BTAF1: variants seen among roughly 807,000 people sequenced by gnomAD.
BTAF1 encodes the protein TATA-binding protein-associated factor 172.
A neutral mutation model predicts 227.1 loss-of-function variants in BTAF1; 38 were observed. The ratio of observed to expected loss-of-function variants is 0.17; its 90% confidence interval spans 0.13 to 0.22. The LOEUF (loss-of-function observed/expected upper bound fraction) is 0.22, where lower values mean the gene tolerates loss of function less well. Among genes scored for constraint, BTAF1 ranks in the 10% least tolerant of loss-of-function variants. BTAF1 has a pLI of 1.00. For missense variants in BTAF1, 1,598 were observed against 2,204.0 expected (o/e 0.73, Z 5.51); for synonymous variants, 742 against 751.9 (o/e 0.99, Z 0.21).
intron 21 of BTAF1, among the ~76,000 whole-genome samples, chr10:91,992,780 G>C (rs1589904541): frequency 1.3e-5 from 2 of 152,162 alleles, no homozygotes; most frequent in African/African-American, 4.8e-5. Flanking sequence ...TGGCACCTCT[G>C]TTAATGGCTT....
intron 25 of BTAF1, among the ~76,000 whole-genome samples, chr10:92,001,221 G>A (rs1849503940): frequency 6.6e-6 from 1 of 152,204 alleles, no homozygotes; most frequent in Admixed American, 6.5e-5. Flanking sequence ...AGTTAAGACA[G>A]AATTAGCAAA....
chr10:92,012,070 TCTCCCTCCTTCCCTCC>T (rs1349451658), intron 30 of BTAF1, among the ~76,000 whole-genome samples: 19 of 133,202 alleles, frequency 1.4e-4, no homozygotes, highest in African/African-American at 4.3e-4. Context: ...TCTTTCTCTC[TCTCCCTCCTTCCCTCC>T]CTCCCTCCCC....
chr10:91,950,978 G>A (rs1845735091), intron 4 of BTAF1, among the ~76,000 whole-genome samples: 1 of 151,812 alleles, frequency 6.6e-6, no homozygotes, highest in South Asian at 2.1e-4. Flanking sequence ...CTACAGGTGT[G>A]TACCATCATG....
Position 91,994,518 on chromosome 10 carries a change from A to G in BTAF1, c.3200-17A>G. ...AAAAATTATTTGCCAGATAATACAG[A>G]CAATATATTTTAACAGATGGAAAAT... On this transcript the variant is annotated splice_polypyrimidine_tract_variant and intron_variant, in intron 22 of 37. Coordinates refer to ENST00000265990, the MANE Select transcript of BTAF1 (RefSeq NM_003972.3). 1 of 1,567,172 alleles carries G rather than the reference A, an allele frequency of 6.4e-7. No individual in the cohort carries two copies.
chr10:92,024,741 T>TTTTTTTTC lies in BTAF1; in HGVS notation c.4864-10_4864-9insTTCTTTTT. ...ATTGAACGCTTATGTAGTTTTTTTTTTTTTTCTTCCTAAGTTGCTGTTGGA... is the reference window on the plus strand; with the variant it reads ...ATTGAACGCTTATGTAGTTTTTTTTTTTTTTTTCTTTTTCTTCCTAAGTTGCTGTTGGA... On this transcript the variant is annotated splice_polypyrimidine_tract_variant and intron_variant, in intron 34 of 37. Coordinates refer to ENST00000265990, the MANE Select transcript of BTAF1 (RefSeq NM_003972.3). 1 of 1,575,698 alleles carries TTTTTTTTC rather than the reference T, an allele frequency of 6.3e-7. No homozygotes were observed. Among genetic ancestry groups the TTTTTTTTC allele is most frequent in the Non-Finnish European group, 8.6e-7 (1 of 1,168,988 alleles).
intron 25 of BTAF1, among the ~76,000 whole-genome samples, chr10:92,006,064 G>A (rs1012063584): frequency 6.6e-6 from 1 of 151,846 alleles, no homozygotes; most frequent in African/African-American, 2.4e-5. Context: ...TTGTAGAGAT[G>A]GGGTCTTGCT....
At chr10:92,010,924 G>T in intron 28 of BTAF1, 149 bp from the exon 29 acceptor site, 1 of 646,182 alleles carries the variant, frequency 1.5e-6, no homozygotes, top group South Asian at 1.9e-5. Flanking sequence ...CAGATCATCA[G>T]AAGAGTAGCC....
intron 18 of BTAF1, among the ~76,000 whole-genome samples, chr10:91,983,395 A>G (rs74149341): frequency 0.014 from 2,056 of 152,290 alleles, 48 homozygotes; most frequent in African/African-American, 0.045. Flanking sequence ...ACTTGCTGTG[A>G]GAGTTACTTG....
At chr10:91,963,841 G>C (rs947576964) in intron 12 of BTAF1, among the ~76,000 whole-genome samples, 9 of 152,060 alleles carry the variant, frequency 5.9e-5, no homozygotes, top group African/African-American at 2.2e-4. Flanking sequence ...CCCATTATGA[G>C]TCTGGTCAGG....
intron 11 of BTAF1, 35 bp downstream of exon 11, chr10:91,960,189 A>G (rs757320890): frequency 1.3e-6 from 2 of 1,595,292 alleles, no homozygotes; most frequent in South Asian, 1.1e-5. Context: ...TATGTGGGAG[A>G]GTTTTTTCCC....
At chr10:92,009,391 ATTT>A (rs1279909968) in intron 28 of BTAF1, among the ~76,000 whole-genome samples, 183 bp downstream of exon 28, 41 of 152,374 alleles carry the variant, frequency 2.7e-4, no homozygotes, top group African/African-American at 9.9e-4. Context: ...AAATTGAGGA[ATTT>A]TAACCATTGT....
intron 28 of BTAF1, 21 bp from the exon 29 acceptor site, chr10:92,011,052 T>G: frequency 6.4e-7 from 1 of 1,561,026 alleles, no homozygotes; most frequent in Non-Finnish European, 8.7e-7. Context: ...GTTTTCTAAT[T>G]TTATTCATTT....
chr10:91,934,191 C>T (rs920508950), intron 1 of BTAF1, among the ~76,000 whole-genome samples: 11 of 151,874 alleles, frequency 7.2e-5, no homozygotes. Context: ...GTATGACTAG[C>T]TTCATAGTTT....
intron 4 of BTAF1, among the ~76,000 whole-genome samples, chr10:91,950,204 T>G (rs1845674436): frequency 6.6e-6 from 1 of 151,646 alleles, no homozygotes; most frequent in Non-Finnish European, 1.5e-5. Context: ...CTGCCACGCA[T>G]TTCATGTACT....
rs575424353 is a variant in BTAF1, at chr10:91,971,612, C to T, written c.1650+4855C>T. On this transcript the variant is annotated intron_variant, in intron 14 of 37. Transcript: ENST00000265990. ...TCAGCCTCCTGAGTAGCTGGGATTA[C>T]AGGCATGCGCCACCACGCCTGACTA... Among the ~76,000 whole-genome samples the T allele has an allele frequency of 3.3e-3, 506 of 152,060 alleles. 7 individuals carry two copies. The highest frequency in any genetic ancestry group is 9.9e-3 in the East Asian group (51 of 5,160).
chr10:91,973,637 G>T (rs1589848024), intron 14 of BTAF1, among the ~76,000 whole-genome samples: 1 of 152,048 alleles, frequency 6.6e-6, no homozygotes, highest in African/African-American at 2.4e-5. Context: ...GGGCGCGGTG[G>T]CTCACGCCTG....
At position 91,957,228 on chromosome 10, in the gene BTAF1, A is replaced by G. The variant is rs1846168267; in HGVS notation, c.835A>G (p.Asn279Asp). ...PDSSSLIEET[N>D]EWPLESFCEE... ...TAATTCTGTTTTTCTTATTCAGACAAATGAATGGCCTTTGGAAAGCTTTTG... is the reference window on the plus strand; with the variant it reads ...TAATTCTGTTTTTCTTATTCAGACAGATGAATGGCCTTTGGAAAGCTTTTG... The change falls in exon 8 of 38, where the codon AAT becomes GAT. Residue 279 changes from asparagine to aspartate, a missense_variant. Asn to Asp is a conservative substitution (Grantham distance 23, BLOSUM62 1). Coordinates refer to ENST00000265990, the MANE Select transcript of BTAF1 (RefSeq NM_003972.3). 6.2e-7 allele frequency: 1 copy of G among 1,612,402 alleles called. No individual in the cohort carries two copies. The highest frequency in any genetic ancestry group is 2.2e-5 in the East Asian group (1 of 44,758).
intron 20 of BTAF1, among the ~76,000 whole-genome samples, chr10:91,991,279 T>TATATATATATATATATATATATAA (rs1256838673): frequency 0.1 from 9,944 of 97,576 alleles, 1,078 homozygotes; most frequent in Middle Eastern, 0.18. Flanking sequence ...TAAATATATA[T>TATATATATATATATATATATATAA]ATATATATAT....
At chr10:91,971,469 CTTTTTTT>C (rs11299263) in intron 14 of BTAF1, among the ~76,000 whole-genome samples, 1 of 97,428 alleles carries the variant, frequency 1.0e-5, no homozygotes, top group African/African-American at 4.1e-5. Flanking sequence ...TAAAGCCAAA[CTTTTTTT>C]TTTTTTTTTT....
Sources: allele counts gnomAD v4.1 joint callset (sites outside exome capture counted in the v4.1 genomes callset), GRCh38; gene constraint gnomAD v4.1.1; transcripts MANE v1.5; gene names NCBI Gene and HGNC (gene_info 2026-07-23, HGNC 2026-07-21).